ABLIM3: variants seen among roughly 807,000 people sequenced by gnomAD.
ABLIM3 encodes the protein actin-binding LIM protein 3.
Under a neutral mutation model 109.5 loss-of-function variants are expected in ABLIM3, and 61 were observed. That is an observed-to-expected ratio of 0.56 (90% CI 0.45 to 0.69). The LOEUF is 0.69. Ranked by LOEUF, ABLIM3 falls within the 30% of genes least tolerant of loss-of-function variation. The pLI is 0.00. For missense variants in ABLIM3, 796 were observed against 889.5 expected, an observed-to-expected ratio of 0.89 and a Z score of 1.34; for synonymous variants, 300 against 324.8, an observed-to-expected ratio of 0.92 and a Z score of 0.82.
At chr5:149,146,350 T>C (rs1054043935) in intron 2 of ABLIM3, among the ~76,000 whole-genome samples, 11 of 152,222 alleles carry the variant, frequency 7.2e-5, no homozygotes, top group African/African-American at 2.4e-4. Flanking sequence ...TTGTTTTTGT[T>C]ACAATTGCTT....
Position 149,259,314 on chromosome 5 carries a change from C to A in ABLIM3, c.*910C>A. 7.1e-7 allele frequency: 1 copy of A among 1,416,658 alleles called. No homozygotes were observed. The highest frequency in any genetic ancestry group is 2.6e-5 in the East Asian group (1 of 38,828). The allele number at this position is 1,416,658 out of a possible 1,614,324, so 87.8% of individuals were successfully genotyped here. On this transcript the variant is annotated 3_prime_UTR_variant, in exon 24 of 24. Coordinates refer to ENST00000309868, the MANE Select transcript of ABLIM3 (RefSeq NM_014945.5). ...ATGATTGCAGCTTGTATTCTTTAGC[C>A]TTATTACAATCTATGTGCCTGACAA...
intron 8 of ABLIM3, chr5:149,217,286 G>C (rs1348160266): frequency 9.1e-6 from 5 of 547,982 alleles, no homozygotes; most frequent in Non-Finnish European, 1.3e-5. Flanking sequence ...CCGCTGCCCA[G>C]CTGGACTGCT....
chr5:149,182,602 G>T (rs1756562100), intron 2 of ABLIM3, among the ~76,000 whole-genome samples: 1 of 152,152 alleles, frequency 6.6e-6, no homozygotes, highest in Admixed American at 6.5e-5. Context: ...CTCAGGAAAA[G>T]GGTATCTAGA....
chr5:149,142,139 G>C, intron 2 of ABLIM3, 31 bp downstream of exon 2: 11 of 1,443,342 alleles, frequency 7.6e-6, no homozygotes, highest in Admixed American at 1.7e-5. Context: ...TTTGCCATGG[G>C]AACAGGGGTG....
intron 3 of ABLIM3, among the ~76,000 whole-genome samples, chr5:149,184,648 AC>A (rs2127476963): frequency 6.6e-6 from 1 of 152,328 alleles, no homozygotes; most frequent in South Asian, 2.1e-4. Context: ...AATACAAAGG[AC>A]TACATTTCTG....
chr5:149,164,967 C>A (rs1284051377), intron 2 of ABLIM3, among the ~76,000 whole-genome samples: 1 of 152,206 alleles, frequency 6.6e-6, no homozygotes, highest in African/African-American at 2.4e-5. Flanking sequence ...AGGCTTCCAT[C>A]AACATATGCT....
intron 2 of ABLIM3, among the ~76,000 whole-genome samples, chr5:149,173,442 C>T (rs1755624318): frequency 6.6e-6 from 1 of 152,164 alleles, no homozygotes; most frequent in South Asian, 2.1e-4. Flanking sequence ...ACTGGAACTT[C>T]CCCAATGTTT....
In ABLIM3 at chr5:149,204,961, G is replaced by A. The variant is rs1317631185; in HGVS notation, c.449-2047G>A. 3.3e-5 allele frequency among the ~76,000 whole-genome samples: 5 copies of A among 152,172 alleles called. No homozygotes were observed. In the South Asian group the frequency reaches 1.0e-3, roughly 32 times the overall value. On this transcript the variant is annotated intron_variant, in intron 5 of 23. Coordinates refer to ENST00000309868, the MANE Select transcript of ABLIM3 (RefSeq NM_014945.5). ...TCATTTCTAGAGTATGGCCATGAAA[G>A]GATACAGCTATGCAATAAGTTTTGT...
intron 18 of ABLIM3, among the ~76,000 whole-genome samples, chr5:149,249,434 T>C (rs76753919): frequency 0.017 from 2,524 of 152,350 alleles, 65 homozygotes; most frequent in African/African-American, 0.056. Context: ...AATCTACTAA[T>C]GGCAGAGCCA....
intron 3 of ABLIM3, among the ~76,000 whole-genome samples, chr5:149,192,226 A>C (rs1332239805): frequency 6.6e-6 from 1 of 152,032 alleles, no homozygotes; most frequent in African/African-American, 2.4e-5. Flanking sequence ...GAAAAAAAAA[A>C]CCTATTATTT....
chr5:149,175,463 T>C (rs553774620), intron 2 of ABLIM3, among the ~76,000 whole-genome samples: 5 of 152,232 alleles, frequency 3.3e-5, no homozygotes, highest in East Asian at 3.9e-4. Flanking sequence ...TATGCCCAGC[T>C]AATAAGAATG....
chr5:149,195,405 C>A (rs1757866325), intron 3 of ABLIM3, among the ~76,000 whole-genome samples: 1 of 152,234 alleles, frequency 6.6e-6, no homozygotes, highest in South Asian at 2.1e-4. Context: ...ATCTGTCATG[C>A]TGGTCCAGCT....
chr5:149,210,527 G>T (rs966162666), intron 6 of ABLIM3, among the ~76,000 whole-genome samples, 199 bp from the exon 7 acceptor site: 1 of 152,206 alleles, frequency 6.6e-6, no homozygotes, highest in Non-Finnish European at 1.5e-5. Context: ...ACAGGAGGTG[G>T]TCCCAGGAGG....
intron 2 of ABLIM3, among the ~76,000 whole-genome samples, chr5:149,173,898 T>A (rs1468020955): frequency 6.6e-6 from 1 of 151,228 alleles, no homozygotes; most frequent in African/African-American, 2.4e-5. Context: ...GGCGGGTGCC[T>A]GTAGTCCCAG....
chr5:149,247,866 C>T lies in ABLIM3; in HGVS notation c.1636C>T (p.Arg546Trp), dbSNP rs763664521. The stretch of plus-strand genomic sequence containing the variant: ...CTATGCAGATCCCTGGACCCCTCCC[C>T]GGAGCTCCACCAGCAGCCGGGAAGC... The part of the protein sequence containing the change: ...SSYADPWTPP[R>W]SSTSSREALH... Residue 546 changes from arginine (R) to tryptophan (W), a missense_variant, in exon 18 of 24, where the codon CGG becomes TGG. Physicochemically the swap from Arg to Trp is moderately radical, Grantham distance 101. Transcript: ENST00000309868. 12 of 1,614,228 alleles carry T rather than the reference C, an allele frequency of 7.4e-6. No homozygotes were observed. The highest frequency in any genetic ancestry group is 4.4e-5 in the South Asian group (4 of 91,080).
At chr5:149,252,684 A>G in intron 22 of ABLIM3, 73 bp from the exon 23 acceptor site, 1 of 1,140,988 alleles carries the variant, frequency 8.8e-7, no homozygotes, top group Admixed American at 1.8e-5. Context: ...GAGAGCCCAG[A>G]CACAAAATGT....
intron 2 of ABLIM3, among the ~76,000 whole-genome samples, chr5:149,180,326 G>C (rs1413598668): frequency 2.0e-5 from 3 of 152,214 alleles, no homozygotes; most frequent in Admixed American, 1.3e-4. Flanking sequence ...GGCAGTTATA[G>C]ATTGGTAGGA....
intron 17 of ABLIM3, chr5:149,247,549 T>A: frequency 1.5e-6 from 1 of 683,872 alleles, no homozygotes; most frequent in Admixed American, 2.0e-5. Flanking sequence ...TGGCCAGGCT[T>A]GCTTTTTTGT....
Position 149,212,998 on chromosome 5 carries a change from C to T in ABLIM3, c.669+2179C>T, listed in dbSNP as rs138526343. On this transcript the variant is annotated intron_variant, in intron 7 of 23. Transcript: ENST00000309868. ...AAAACTAGCCAGGCATGGTGGTGCA[C>T]GCTTGTAGTCCTAGCCATTCCGGAG... Among the ~76,000 whole-genome samples the T allele has an allele frequency of 2.0e-4, 30 of 152,192 alleles. 1 individual carries two copies. The East Asian group carries it at 4.4e-3, about 23-fold the overall frequency.
Sources: allele counts gnomAD v4.1 joint callset (sites outside exome capture counted in the v4.1 genomes callset), GRCh38; gene constraint gnomAD v4.1.1; transcripts MANE v1.5; gene names NCBI Gene and HGNC (gene_info 2026-07-23, HGNC 2026-07-21).